TNN: variants seen among roughly 807,000 people sequenced by gnomAD.
TNN encodes tenascin N.
Under a neutral mutation model 134.4 loss-of-function variants are expected in TNN, and 122 were observed. The ratio of observed to expected loss-of-function variants is 0.91; its 90% CI spans 0.78 to 1.06. The LOEUF is 1.06. Ranked by LOEUF, TNN falls within the 50% of genes least tolerant of loss-of-function variation. The pLI is 0.00. For synonymous variants in TNN, 710 were observed against 670.3 expected (o/e 1.06, Z -0.91); for missense variants, 1,739 against 1,699.4 (o/e 1.02, Z -0.41).
chr1:175,123,711 A>G (rs1331161835), intron 12 of TNN, 48 bp downstream of exon 12: 1 of 1,604,860 alleles, frequency 6.2e-7, no homozygotes, highest in East Asian at 2.2e-5. Flanking sequence ...TTATCAGGAG[A>G]GAACCTTCCT....
chr1:175,108,799 G>A (rs190712909), intron 9 of TNN, among the ~76,000 whole-genome samples: 2,387 of 147,798 alleles, frequency 0.016, 100 homozygotes, highest in African/African-American at 0.057. Context: ...CAGCTGGCCC[G>A]CAAGCACCAT....
At position 175,144,369 on chromosome 1, in the gene TNN, G is replaced by T. The variant is rs187268191; in HGVS notation, c.3596-18G>T. The T allele has an allele frequency of 1.9e-6, 3 of 1,611,272 alleles. No homozygotes were observed. The African/African-American group carries it at 4.0e-5, about 22-fold the overall frequency. On this transcript the variant is annotated intron_variant, in intron 17 of 18. Transcript: ENST00000239462. The stretch of plus-strand genomic sequence containing the variant: ...TGGCTAACCCTGGGCTCTCGCCTCC[G>T]TCTCTTCTCTCCTGCAGGGGATGCT...
chr1:175,095,234 T>G (rs1674542017), intron 7 of TNN, among the ~76,000 whole-genome samples: 1 of 152,190 alleles, frequency 6.6e-6, no homozygotes, highest in Admixed American at 6.5e-5. Context: ...ACATTGACAG[T>G]AAGGATGGTG....
chr1:175,090,803 A>G (rs1433078920), intron 6 of TNN, among the ~76,000 whole-genome samples: 1 of 152,192 alleles, frequency 6.6e-6, no homozygotes, highest in Non-Finnish European at 1.5e-5. Flanking sequence ...GTATGTACTC[A>G]CAGGCGAGTC....
intron 7 of TNN, among the ~76,000 whole-genome samples, chr1:175,094,471 C>A (rs1674523337): frequency 6.6e-6 from 1 of 152,158 alleles, no homozygotes; most frequent in Non-Finnish European, 1.5e-5. Flanking sequence ...GAAGGTCATA[C>A]TTATTTGAGT....
intron 9 of TNN, among the ~76,000 whole-genome samples, chr1:175,112,596 A>ATTTTTTTTTTTTTTT (rs1244528758): frequency 1.2e-4 from 1 of 8,066 alleles, no homozygotes; most frequent in Non-Finnish European, 3.5e-4. Context: ...CAGCCGGCCG[A>ATTTTTTTTTTTTTTT]TCTTTTTTTT....
At chr1:175,085,650 G>A (rs957698285) in intron 6 of TNN, among the ~76,000 whole-genome samples, 156 bp downstream of exon 6, 4 of 152,110 alleles carry the variant, frequency 2.6e-5, no homozygotes, top group African/African-American at 4.8e-5. Context: ...CAAGGCAGGC[G>A]GATCACCTGA....
At chr1:175,133,027 T>G (rs2101848407) in intron 15 of TNN, among the ~76,000 whole-genome samples, 1 of 152,362 alleles carries the variant, frequency 6.6e-6, no homozygotes, top group South Asian at 2.1e-4. Flanking sequence ...GTGTTGGGGC[T>G]TCTGCATCTG....
intron 6 of TNN, among the ~76,000 whole-genome samples, chr1:175,090,061 T>C (rs1218788714): frequency 2.0e-5 from 3 of 152,212 alleles, no homozygotes; most frequent in African/African-American, 7.2e-5. Context: ...TTCTGTATAT[T>C]GTGAGACTTT....
At chr1:175,082,781 T>A (rs1359565566) in intron 4 of TNN, among the ~76,000 whole-genome samples, 1 of 152,112 alleles carries the variant, frequency 6.6e-6, no homozygotes, top group Non-Finnish European at 1.5e-5. Context: ...GGGGCGTGAC[T>A]GATGAAGAGG....
chr1:175,114,002 TAA>T (rs1288630288), intron 9 of TNN, among the ~76,000 whole-genome samples: 7 of 152,242 alleles, frequency 4.6e-5, no homozygotes, highest in African/African-American at 7.2e-5. Context: ...TGAATTTCAT[TAA>T]GTTTCCTTAA....
Position 175,123,562 on chromosome 1 carries a change from C to A in TNN, c.2813C>A (p.Thr938Asn), listed in dbSNP as rs138817021. 1.7e-5 allele frequency: 27 copies of A among 1,613,944 alleles called. No individual in the cohort carries two copies. The highest frequency in any genetic ancestry group is 2.0e-5 in the Non-Finnish European group (24 of 1,179,942). The change falls in exon 12 of 19, where the codon ACT becomes AAT. Residue 938 changes from threonine to asparagine, a missense_variant. Thr to Asn is a moderately conservative substitution (Grantham distance 65, BLOSUM62 0). Coordinates refer to ENST00000239462, the MANE Select transcript of TNN (RefSeq NM_022093.2). ...CCGGTGGGGAAGGAGCACAGCAGCA[C>A]TGTCCTGACGGGCCTGAGACCAGGC... ...EVPVGKEHSSTVLTGLRPGME... is the reference protein window; with the variant it reads ...EVPVGKEHSSNVLTGLRPGME...
At chr1:175,138,130 A>G (rs1440305439) in intron 17 of TNN, among the ~76,000 whole-genome samples, 2 of 152,212 alleles carry the variant, frequency 1.3e-5, no homozygotes, top group African/African-American at 4.8e-5. Flanking sequence ...TCTCAAGATC[A>G]TGTACTCAAG....
intron 9 of TNN, among the ~76,000 whole-genome samples, chr1:175,105,400 C>T (rs761832278): frequency 6.9e-6 from 1 of 145,388 alleles, no homozygotes. Flanking sequence ...TGCTTATTTC[C>T]TTCTGGGCAG....
At chr1:175,127,729 G>T (rs538743417) in intron 13 of TNN, among the ~76,000 whole-genome samples, 1 of 152,278 alleles carries the variant, frequency 6.6e-6, no homozygotes, top group East Asian at 1.9e-4. Context: ...TATAGTTAGA[G>T]CCCCTGTGTG....
intron 18 of TNN, among the ~76,000 whole-genome samples, chr1:175,145,665 C>T (rs1042497232): frequency 2.0e-5 from 3 of 151,174 alleles, no homozygotes; most frequent in Non-Finnish European, 2.9e-5. Flanking sequence ...AAAACCTTCC[C>T]AGAACATTGA....
At chr1:175,074,866 G>A (rs1157776793) in intron 1 of TNN, among the ~76,000 whole-genome samples, 1 of 152,196 alleles carries the variant, frequency 6.6e-6, no homozygotes, top group African/African-American at 2.4e-5. Context: ...TGTCATATTG[G>A]CACAGAGCAA....
chr1:175,137,561 G>A (rs1675846972), intron 17 of TNN, among the ~76,000 whole-genome samples: 1 of 152,232 alleles, frequency 6.6e-6, no homozygotes, highest in Admixed American at 6.5e-5. Flanking sequence ...CTGCTCATTG[G>A]AGCTAAGCCA....
At position 175,117,086 on chromosome 1, in the gene TNN, G is replaced by T; in HGVS notation, c.2267G>T (p.Gly756Val). 6.2e-7 allele frequency: 1 copy of T among 1,614,258 alleles called. No homozygotes were observed. Among genetic ancestry groups the T allele is most frequent in the East Asian group, 2.2e-5 (1 of 44,888 alleles). Reference sequence around the variant, plus strand: ...GGAGAGACCAGGGAGGTTCCGGTGGGGAAGGAGCAGAGTAGCACTGTCCTG... The same window carrying T: ...GGAGAGACCAGGGAGGTTCCGGTGGTGAAGGAGCAGAGTAGCACTGTCCTG... ...KDGETREVPVGKEQSSTVLTG... is the reference protein window; with the variant it reads ...KDGETREVPVVKEQSSTVLTG... Residue 756 changes from glycine (G) to valine (V), a missense_variant, in exon 10 of 19, where the codon GGG (glycine) becomes GTG (valine). Physicochemically the swap from Gly to Val is moderately radical, Grantham distance 109. Coordinates refer to ENST00000239462, the MANE Select transcript of TNN (RefSeq NM_022093.2).
Sources: allele counts gnomAD v4.1 joint callset (sites outside exome capture counted in the v4.1 genomes callset), GRCh38; gene constraint gnomAD v4.1.1; transcripts MANE v1.5; gene names NCBI Gene and HGNC (gene_info 2026-07-23, HGNC 2026-07-21).